LHCGR: variants seen among roughly 807,000 people sequenced by gnomAD.
LHCGR encodes the protein luteinizing hormone/choriogonadotropin receptor.
Under a neutral mutation model 60.7 loss-of-function variants are expected in LHCGR, and 55 were observed. The ratio of observed to expected loss-of-function variants is 0.91; its 90% CI spans 0.73 to 1.13. LHCGR has a LOEUF of 1.13. Among genes scored for constraint, LHCGR ranks in the 50% most tolerant of loss-of-function variants. LHCGR has a pLI of 0.00. For synonymous variants in LHCGR, 337 were observed against 316.5 expected (o/e 1.06, Z -0.69); for missense variants, 862 against 836.0 (o/e 1.03, Z -0.38).
intron 10 of LHCGR, among the ~76,000 whole-genome samples, chr2:48,692,903 C>T (rs1311102638): frequency 6.6e-6 from 1 of 152,092 alleles, no homozygotes; most frequent in South Asian, 2.1e-4. Context: ...TTTGGAGATG[C>T]TAGAGATTAG....
intron 9 of LHCGR, among the ~76,000 whole-genome samples, chr2:48,698,044 A>T (rs1207653795): frequency 6.6e-6 from 1 of 152,184 alleles, no homozygotes; most frequent in East Asian, 1.9e-4. Flanking sequence ...CCCACCCTGG[A>T]CTGAACGGAA....
chr2:48,688,815 C>G lies in LHCGR; in HGVS notation c.982G>C (p.Gly328Arg), dbSNP rs766664088. 3.7e-6 allele frequency: 6 copies of G among 1,614,080 alleles called. No homozygotes were observed. The East Asian group carries it at 1.3e-4, about 36-fold the overall frequency. ...CAGAAACCATATTCATAGTCCCAGC[C>G]ACTCAGTTCACTCTCAGCAAGCATG... The part of the protein sequence containing the change: ...SSMLAESELS[G>R]WDYEYGFCLP... The change falls in exon 11 of 11, where the codon GGC (glycine) becomes CGC (arginine). Residue 328 changes from glycine to arginine, a missense_variant. Physicochemically the swap from Gly to Arg is moderately radical, Grantham distance 125. Transcript: ENST00000294954. The surrounding 1 kb of genome is among the most constrained non-coding windows in gnomAD (Gnocchi z 5.2).
intron 1 of LHCGR, among the ~76,000 whole-genome samples, chr2:48,736,636 A>G (rs550531557): frequency 1.3e-5 from 2 of 152,258 alleles, no homozygotes; most frequent in East Asian, 3.9e-4. Flanking sequence ...ATTTTTGTTA[A>G]CTAATCCTCA....
intron 9 of LHCGR, among the ~76,000 whole-genome samples, chr2:48,694,660 C>T (rs1007266945): frequency 6.6e-6 from 1 of 152,138 alleles, no homozygotes; most frequent in African/African-American, 2.4e-5. Context: ...TCCACATTGG[C>T]CTTAACAAAT....
At position 48,708,933 on chromosome 2, in the gene LHCGR, C is replaced by G; in HGVS notation, c.680+15G>C. On this transcript the variant is annotated intron_variant, in intron 8 of 10. Transcript: ENST00000294954. The stretch of plus-strand genomic sequence containing the variant: ...TACACTGGGCAGGGAGGGGAGGCAG[C>G]ACCATTCTACTCACAAGGTTTTCGG... The G allele has an allele frequency of 6.2e-7, 1 of 1,609,620 alleles. No individual in the cohort carries two copies. Among genetic ancestry groups the G allele is most frequent in the Non-Finnish European group, 8.5e-7 (1 of 1,176,082 alleles).
intron 8 of LHCGR, among the ~76,000 whole-genome samples, chr2:48,705,773 G>A (rs1261025622): frequency 6.6e-6 from 1 of 150,818 alleles, no homozygotes; most frequent in Non-Finnish European, 1.5e-5. Context: ...CCTTTAGTTT[G>A]AGCCTATGTG....
At position 48,724,949 on chromosome 2, in the gene LHCGR, A is replaced by T. The variant is rs1022668800; in HGVS notation, c.383+727T>A. 2.6e-5 allele frequency among the ~76,000 whole-genome samples: 4 copies of T among 152,060 alleles called. No homozygotes were observed. The East Asian group carries it at 7.7e-4, about 29-fold the overall frequency. ...TGGGAGGTGGGCTTTACATTCTCTGAGGAGTTTATGAAATTTAAAGAAAAA... is the reference window on the plus strand; with the variant it reads ...TGGGAGGTGGGCTTTACATTCTCTGTGGAGTTTATGAAATTTAAAGAAAAA... On this transcript the variant is annotated intron_variant, in intron 4 of 10. Coordinates refer to ENST00000294954, the MANE Select transcript of LHCGR (RefSeq NM_000233.4).
chr2:48,740,518 A>G (rs1437988006), intron 1 of LHCGR, among the ~76,000 whole-genome samples: 1 of 152,176 alleles, frequency 6.6e-6, no homozygotes, highest in African/African-American at 2.4e-5. Flanking sequence ...CTGCCTCCTC[A>G]AGTGGGTCCC....
chr2:48,751,536 T>C (rs1475047489), intron 1 of LHCGR, among the ~76,000 whole-genome samples: 5 of 152,238 alleles, frequency 3.3e-5, no homozygotes, highest in African/African-American at 1.2e-4. Context: ...TAGAGCCTTG[T>C]TGTCTTTCTC....
At chr2:48,704,036 G>A (rs1315509484) in intron 8 of LHCGR, among the ~76,000 whole-genome samples, 1 of 152,108 alleles carries the variant, frequency 6.6e-6, no homozygotes, top group Non-Finnish European at 1.5e-5. Context: ...GTCATAGATA[G>A]CTCTTATTAT....
intron 7 of LHCGR, among the ~76,000 whole-genome samples, chr2:48,711,205 C>T (rs1260646320): frequency 6.6e-6 from 1 of 152,190 alleles, no homozygotes; most frequent in Non-Finnish European, 1.5e-5. Context: ...ATCCTGGATA[C>T]CTTGCCTAAA....
At chr2:48,711,299 G>A (rs933095602) in intron 7 of LHCGR, among the ~76,000 whole-genome samples, 1 of 152,048 alleles carries the variant, frequency 6.6e-6, no homozygotes, top group African/African-American at 2.4e-5. Flanking sequence ...AATTTTATCT[G>A]TTATTTGCTT....
At chr2:48,745,391 G>A (rs890671710) in intron 1 of LHCGR, among the ~76,000 whole-genome samples, 23 of 152,128 alleles carry the variant, frequency 1.5e-4, no homozygotes, top group Non-Finnish European at 2.8e-4. Context: ...AAAGACACAT[G>A]CACACATATG....
chr2:48,691,911 G>A (rs868747051), intron 10 of LHCGR, among the ~76,000 whole-genome samples: 4 of 151,170 alleles, frequency 2.6e-5, no homozygotes, highest in South Asian at 2.1e-4. Context: ...TATTGGTAAC[G>A]AAACCAAGAT....
In LHCGR at chr2:48,688,626, G is replaced by A; in HGVS notation, c.1171C>T (p.Leu391Phe). The change falls in exon 11 of 11, where the codon CTT (leucine) becomes TTT (phenylalanine). Residue 391 changes from leucine to phenylalanine, a missense_variant. Coordinates refer to ENST00000294954, the MANE Select transcript of LHCGR (RefSeq NM_000233.4). The surrounding 1 kb of genome is among the most constrained non-coding windows in gnomAD (Gnocchi z 5.2). ...CACATGAGAAAACGAGGCACTGTAA[G>A]TTTGTAACGACTTGTCAGGAGAACA... ...LFVLLTSRYK[L>F]TVPRFLMCNL... 6.2e-7 allele frequency: 1 copy of A among 1,614,180 alleles called. No homozygotes were observed. The highest frequency in any genetic ancestry group is 8.5e-7 in the Non-Finnish European group (1 of 1,180,020).
chr2:48,688,412 A>C lies in LHCGR; in HGVS notation c.1385T>G (p.Leu462Arg). 1 of 1,614,184 alleles carries C rather than the reference A, an allele frequency of 6.2e-7. No individual in the cohort carries two copies. Among genetic ancestry groups the C allele is most frequent in the Non-Finnish European group, 8.5e-7 (1 of 1,180,040 alleles). Reference sequence around the variant, plus strand: ...ATAGGTGATGGTGTGCCATCTTTCTAGAGTGATGACGGTGAGGGTGTAGAC... The same window carrying C: ...ATAGGTGATGGTGTGCCATCTTTCTCGAGTGATGACGGTGAGGGTGTAGAC... Reference protein sequence around the residue: ...LSVYTLTVITLERWHTITYAI... With the variant: ...LSVYTLTVITRERWHTITYAI... Residue 462 changes from leucine (L) to arginine (R), a missense_variant, in exon 11 of 11, where the codon CTA (leucine) becomes CGA (arginine). By Grantham distance (102) the Leu-to-Arg change is moderately radical. Coordinates refer to ENST00000294954, the MANE Select transcript of LHCGR (RefSeq NM_000233.4). The surrounding 1 kb of genome is among the most constrained non-coding windows in gnomAD (Gnocchi z 5.2).
At chr2:48,732,228 GT>G (rs1669025766) in intron 1 of LHCGR, among the ~76,000 whole-genome samples, 1 of 152,216 alleles carries the variant, frequency 6.6e-6, no homozygotes, top group Non-Finnish European at 1.5e-5. Context: ...ATGGTTTAAT[GT>G]TTTGGCCCAA....
At chr2:48,744,911 C>G (rs927640034) in intron 1 of LHCGR, among the ~76,000 whole-genome samples, 7 of 151,994 alleles carry the variant, frequency 4.6e-5, no homozygotes, top group African/African-American at 1.7e-4. Context: ...AACAGGCAAC[C>G]TACAAAATGG....
At chr2:48,746,586 A>G (rs1226249844) in intron 1 of LHCGR, among the ~76,000 whole-genome samples, 1 of 152,322 alleles carries the variant, frequency 6.6e-6, no homozygotes, top group Non-Finnish European at 1.5e-5. Context: ...AGCACCCAAG[A>G]TGGTGTGAGG....
Sources: allele counts gnomAD v4.1 joint callset (sites outside exome capture counted in the v4.1 genomes callset), GRCh38; gene constraint gnomAD v4.1.1; non-coding constraint Gnocchi (gnomAD v3.1); transcripts MANE v1.5; gene names NCBI Gene and HGNC (gene_info 2026-07-23, HGNC 2026-07-21).